Variants in PREX1 observed in about 807,000 individuals in gnomAD.
PREX1 encodes the protein phosphatidylinositol-3,4,5-trisphosphate dependent Rac exchange factor 1.
A neutral mutation model predicts 198.3 loss-of-function variants in PREX1; 41 were observed. That is an observed-to-expected ratio of 0.21 (90% confidence interval 0.16 to 0.27). PREX1 has a LOEUF of 0.27. PREX1 is among the 10% of genes least tolerant of loss of function. PREX1 has a pLI of 1.00. For synonymous variants in PREX1, 843 were observed against 887.2 expected (o/e 0.95, Z 0.89); for missense variants, 1,620 against 2,200.7 (o/e 0.74, Z 5.28).
At chr20:48,747,335 C>T (rs569486779) in intron 2 of PREX1, among the ~76,000 whole-genome samples, 2 of 152,254 alleles carry the variant, frequency 1.3e-5, no homozygotes, top group Non-Finnish European at 2.9e-5. Flanking sequence ...CCTCCTCAAA[C>T]TCCCCAGAGC....
chr20:48,847,877 T>G, the PREX1 span, among the ~76,000 whole-genome samples: 4 of 152,380 alleles, frequency 2.6e-5, no homozygotes, highest in East Asian at 7.7e-4. Context: ...TGTGCTTTTT[T>G]GTGTCTGGTT....
At chr20:48,882,268 G>C in the PREX1 span, among the ~76,000 whole-genome samples, 2 of 151,800 alleles carry the variant, frequency 1.3e-5, no homozygotes, top group Non-Finnish European at 2.9e-5. Flanking sequence ...TTTGGGAGGC[G>C]GAGGCAGGCG....
rs1427522440 is a variant in PREX1, at chr20:48,666,070, T to C, written c.1738+213A>G. Among the ~76,000 whole-genome samples the C allele has an allele frequency of 6.6e-6, 1 of 152,202 alleles. No homozygotes were observed. Among genetic ancestry groups the C allele is most frequent in the Non-Finnish European group, 1.5e-5 (1 of 68,034 alleles). On this transcript the variant is annotated intron_variant, in intron 15 of 39. Transcript: ENST00000371941. This position sits in a 1 kb window ranked among gnomAD's most constrained non-coding sequence, Gnocchi z 4.3. Reference sequence around the variant, plus strand: ...GGTTGGACTTCAAATCTAGCCCATGTCCTTCCAGCCATTTTGGTCCCCAGT... The same window carrying C: ...GGTTGGACTTCAAATCTAGCCCATGCCCTTCCAGCCATTTTGGTCCCCAGT...
At chr20:48,720,850 C>A (rs539915970) in intron 5 of PREX1, among the ~76,000 whole-genome samples, 1 of 152,210 alleles carries the variant, frequency 6.6e-6, no homozygotes, top group African/African-American at 2.4e-5. Flanking sequence ...AAGGTCCTTG[C>A]GCTGCACTTG....
intron 1 of PREX1, among the ~76,000 whole-genome samples, chr20:48,805,959 A>T (rs2090410017): frequency 6.6e-6 from 1 of 152,196 alleles, no homozygotes; most frequent in Admixed American, 6.5e-5. Context: ...AGCTCTCAGG[A>T]TGTGCCAGAC....
At chr20:48,629,886 C>T (rs778793584) in intron 36 of PREX1, among the ~76,000 whole-genome samples, 2 of 152,224 alleles carry the variant, frequency 1.3e-5, no homozygotes, top group Non-Finnish European at 2.9e-5. Flanking sequence ...TAATTCTCTT[C>T]ACCTGCCCAG....
chr20:48,678,734 C>T (rs955997422), intron 13 of PREX1, among the ~76,000 whole-genome samples: 50 of 152,234 alleles, frequency 3.3e-4, no homozygotes, highest in Admixed American at 6.5e-5. Context: ...CCAGGTAAGA[C>T]GTGCCTTTCA....
the PREX1 span, among the ~76,000 whole-genome samples, chr20:48,834,575 T>G: frequency 2.0e-5 from 3 of 151,924 alleles, no homozygotes; most frequent in Non-Finnish European, 4.4e-5. Flanking sequence ...CCTTTTTTTT[T>G]TGAGATAGGG....
At position 48,708,319 on chromosome 20, in the gene PREX1, G is replaced by A. The variant is rs766939349; in HGVS notation, c.724C>T (p.Arg242Trp). Residue 242 changes from arginine (R) to tryptophan (W), a missense_variant, in exon 6 of 40, where the codon CGG becomes TGG. Arg to Trp is a moderately radical substitution (Grantham distance 101). This residue lies in a region of PREX1 where 488 missense variants were observed against 802.5 expected (regional missense o/e 0.61). Transcript: ENST00000371941. ...TVCSNINETK[R>W]QMEKLEALEQ... Reference sequence around the variant, plus strand: ...AGGGCTTCCAGCTTCTCCATCTGCCGCTTGGTCTCATTGATGTTGGAGCAA... The same window carrying A: ...AGGGCTTCCAGCTTCTCCATCTGCCACTTGGTCTCATTGATGTTGGAGCAA... 8 of 1,613,906 alleles carry A rather than the reference G, an allele frequency of 5.0e-6. No individual in the cohort carries two copies. The highest frequency in any genetic ancestry group is 5.1e-6 in the Non-Finnish European group (6 of 1,180,032).
At chr20:48,865,019 A>G in the PREX1 span, among the ~76,000 whole-genome samples, 1 of 151,428 alleles carries the variant, frequency 6.6e-6, no homozygotes, top group African/African-American at 2.4e-5. Context: ...TTTGACAATC[A>G]GGCAAGGAGG....
intron 15 of PREX1, 90 bp from the exon 16 acceptor site, chr20:48,660,151 G>A: frequency 3.3e-6 from 5 of 1,516,978 alleles, no homozygotes; most frequent in Non-Finnish European, 4.5e-6. Context: ...GCTGGAACTA[G>A]GCCATGGACA....
intron 5 of PREX1, among the ~76,000 whole-genome samples, chr20:48,712,571 G>GA (rs2089937005): frequency 1.3e-5 from 2 of 152,064 alleles, no homozygotes; most frequent in African/African-American, 4.8e-5. Context: ...TAGTAAAAGT[G>GA]AAAAAAAGGC....
chr20:48,781,899 T>C (rs1368851264), intron 1 of PREX1, among the ~76,000 whole-genome samples: 4 of 152,176 alleles, frequency 2.6e-5, no homozygotes, highest in Admixed American at 1.3e-4. Context: ...AATTGAACCT[T>C]GGGGGACACA....
At chr20:48,685,899 ACC>A (rs1181747170) in intron 10 of PREX1, among the ~76,000 whole-genome samples, 954 of 148,170 alleles carry the variant, frequency 6.4e-3, no homozygotes, top group East Asian at 9.6e-3. Context: ...GTCTCTAAAA[ACC>A]AAAAGATAAA....
At chr20:48,802,843 C>T (rs2090393774) in intron 1 of PREX1, among the ~76,000 whole-genome samples, 1 of 152,234 alleles carries the variant, frequency 6.6e-6, no homozygotes, top group South Asian at 2.1e-4. Flanking sequence ...GCAACAAGGG[C>T]TCTGAGAGAA....
chr20:48,769,316 G>C (rs1016283947), intron 1 of PREX1, among the ~76,000 whole-genome samples: 1 of 152,144 alleles, frequency 6.6e-6, no homozygotes, highest in East Asian at 1.9e-4. Context: ...TGAATGAGAC[G>C]TGCCTTGAAT....
At chr20:48,791,521 T>C (rs1178553452) in intron 1 of PREX1, among the ~76,000 whole-genome samples, 1 of 152,116 alleles carries the variant, frequency 6.6e-6, no homozygotes, top group East Asian at 1.9e-4. Flanking sequence ...TTTATGACCC[T>C]GGGGGGTGAC....
chr20:48,792,817 T>TACACAC (rs372512250), intron 1 of PREX1, among the ~76,000 whole-genome samples: 5,109 of 113,450 alleles, frequency 0.045, 152 homozygotes, highest in East Asian at 0.061. Flanking sequence ...AAAAAAAAAA[T>TACACAC]ACACACACAC....
At chr20:48,671,462 A>T (rs1373109965) in intron 14 of PREX1, among the ~76,000 whole-genome samples, 5 of 152,230 alleles carry the variant, frequency 3.3e-5, no homozygotes, top group African/African-American at 1.2e-4. Context: ...AAATTATGTG[A>T]GAGAAGAATA....
Sources: gnomAD v4.1 joint callset for allele counts (sites outside exome capture counted in the v4.1 genomes callset) on GRCh38, gnomAD v4.1.1 for gene constraint, gnomAD v4.1.1 regional missense constraint, Gnocchi (gnomAD v3.1) non-coding constraint, MANE v1.5 for transcripts, NCBI Gene and HGNC (gene_info 2026-07-23, HGNC 2026-07-21) for gene names.